EVL: variants seen among roughly 807,000 people sequenced by gnomAD.
The protein encoded by EVL is Enah/Vasp-like, also known as ena/VASP-like protein.
Under a neutral mutation model 59.6 loss-of-function variants are expected in EVL, and 21 were observed. The observed-to-expected ratio is 0.35, with a 90% CI of 0.25 to 0.51. The LOEUF (loss-of-function observed/expected upper bound fraction) is 0.51. Among genes scored for constraint, EVL ranks in the 20% least tolerant of loss-of-function variants. The probability of loss-of-function intolerance (pLI) is 0.97; values close to 1 mark genes in which losing one functional copy is unlikely to be tolerated. For missense variants in EVL, 462 were observed against 546.6 expected (o/e 0.85, Z 1.54); for synonymous variants, 198 against 203.5 (o/e 0.97, Z 0.23).
At chr14:100,136,641 G>A (rs1888809162) in intron 9 of EVL, among the ~76,000 whole-genome samples, 1 of 152,208 alleles carries the variant, frequency 6.6e-6, no homozygotes, top group South Asian at 2.1e-4. Flanking sequence ...GCTCTTGCCA[G>A]CTGTTCGCGT....
intron 1 of EVL, among the ~76,000 whole-genome samples, chr14:99,995,723 T>C (rs984230002): frequency 2.6e-5 from 4 of 152,204 alleles, no homozygotes; most frequent in Admixed American, 6.5e-5. Context: ...GTCCTTACAA[T>C]CTGGCTTTGT....
chr14:100,112,167 A>C (rs1205229720), intron 3 of EVL, among the ~76,000 whole-genome samples: 114 of 152,146 alleles, frequency 7.5e-4, no homozygotes, highest in Non-Finnish European at 7.3e-5. Context: ...GCCAGCTCAA[A>C]TATTTTGGTA....
chr14:100,097,344 T>C (rs185600670), intron 2 of EVL, 137 bp from the exon 3 acceptor site: 27 of 720,786 alleles, frequency 3.7e-5, no homozygotes, highest in East Asian at 1.1e-4. Flanking sequence ...CTACCTGATA[T>C]TGCTTTTCCC....
chr14:100,098,593 C>T (rs1885981657), intron 3 of EVL, among the ~76,000 whole-genome samples: 1 of 152,208 alleles, frequency 6.6e-6, no homozygotes, highest in South Asian at 2.1e-4. Context: ...AGCAGAATTA[C>T]ATGTGGCTTT....
upstream of EVL, among the ~76,000 whole-genome samples, chr14:100,061,536 A>G (rs2061834795): frequency 6.6e-6 from 1 of 151,578 alleles, no homozygotes; most frequent in Non-Finnish European, 1.5e-5. Context: ...GAAAAGAGAA[A>G]TATATGAGTA....
chr14:99,990,373 C>G (rs1239937807), intron 1 of EVL, among the ~76,000 whole-genome samples: 1 of 152,156 alleles, frequency 6.6e-6, no homozygotes, highest in Admixed American at 6.5e-5. Context: ...AACCCACTGT[C>G]TTAACCATTT....
chr14:100,021,232 A>C lies in EVL; in HGVS notation c.5+49175A>C, dbSNP rs182160116. Among the ~76,000 whole-genome samples the C allele has an allele frequency of 2.0e-5, 3 of 152,302 alleles. No individual in the cohort carries two copies. In the East Asian group the frequency reaches 5.8e-4, roughly 29 times the overall value. ...GGTTAGGGAAGAGGGTTATGTATGA[A>C]CACATCCACTCGCATTGTGGTGGGC... On this transcript the variant is annotated intron_variant, in intron 1 of 13. Transcript: ENST00000402714.
chr14:100,128,934 G>A (rs1211065047), intron 6 of EVL, among the ~76,000 whole-genome samples, 186 bp downstream of exon 6: 3 of 152,212 alleles, frequency 2.0e-5, no homozygotes, highest in Non-Finnish European at 4.4e-5. Flanking sequence ...AAATTATGAA[G>A]TTAGCCTTTG....
chr14:100,125,129 C>CACAT lies in EVL; in HGVS notation c.422+1530_422+1531insTACA, dbSNP rs1364943411. Among the ~76,000 whole-genome samples the CACAT allele has an allele frequency of 4.4e-4, 58 of 130,780 alleles. 1 individual carries two copies. The highest frequency in any genetic ancestry group is 1.4e-3 in the African/African-American group (45 of 32,078). 85.8% of individuals were successfully genotyped at this position (130,780 alleles called of 152,430 possible). On this transcript the variant is annotated intron_variant, in intron 4 of 13. Transcript: ENST00000392920. Reference sequence around the variant, plus strand: ...ACCTGCCCCAAGGCGGGACCACACACACACACACACACACACACACACCTG... The same window carrying CACAT: ...ACCTGCCCCAAGGCGGGACCACACACACATACACACACACACACACACACACCTG...
chr14:100,034,050 A>ACC (rs2061352121), intron 1 of EVL, among the ~76,000 whole-genome samples: 1 of 151,472 alleles, frequency 6.6e-6, no homozygotes, highest in Non-Finnish European at 1.5e-5. Context: ...ACATGGCAAA[A>ACC]CCCCGTCTCT....
At chr14:99,983,710 G>C (rs2060822967) in intron 1 of EVL, among the ~76,000 whole-genome samples, 1 of 152,118 alleles carries the variant, frequency 6.6e-6, no homozygotes, top group South Asian at 2.1e-4. Flanking sequence ...AAGATCTGTT[G>C]CTAAATCATG....
chr14:100,067,268 A>G (rs10136418), intron 1 of EVL, among the ~76,000 whole-genome samples: 1,816 of 152,292 alleles, frequency 0.012, 34 homozygotes, highest in African/African-American at 0.04. Context: ...ACACATGGGG[A>G]TACCGTGGCG....
chr14:100,069,679 A>G (rs1268389214), intron 1 of EVL, among the ~76,000 whole-genome samples: 4 of 152,154 alleles, frequency 2.6e-5, no homozygotes, highest in Non-Finnish European at 5.9e-5. Context: ...TAGTTGAGAA[A>G]CATTCCTCTG....
intron 12 of EVL, among the ~76,000 whole-genome samples, chr14:100,141,513 T>TA (rs1308341257): frequency 6.6e-6 from 1 of 152,170 alleles, no homozygotes; most frequent in African/African-American, 2.4e-5. Flanking sequence ...AGGAAGCCCT[T>TA]AGTTTCAGTG....
At chr14:100,136,188 A>T (rs1888774993) in intron 9 of EVL, among the ~76,000 whole-genome samples, 1 of 152,256 alleles carries the variant, frequency 6.6e-6, no homozygotes, top group African/African-American at 2.4e-5. Context: ...ATGGGTCCCC[A>T]GGGTGACCTG....
intron 1 of EVL, among the ~76,000 whole-genome samples, chr14:100,077,225 G>C (rs1233321016): frequency 6.6e-6 from 1 of 152,122 alleles, no homozygotes; most frequent in Admixed American, 6.5e-5. Context: ...AAATAACAAG[G>C]GCTGGGACTG....
At chr14:99,973,953 G>A (rs1442810136) in intron 1 of EVL, among the ~76,000 whole-genome samples, 2 of 151,974 alleles carry the variant, frequency 1.3e-5, no homozygotes, top group African/African-American at 4.8e-5. Flanking sequence ...TACCACCTTT[G>A]TCATCTTCCA....
chr14:100,084,914 A>G, intron 2 of EVL, 59 bp downstream of exon 2: 1 of 1,564,926 alleles, frequency 6.4e-7, no homozygotes, highest in Non-Finnish European at 8.7e-7. Flanking sequence ...CTCACCGCCC[A>G]CCCCTTACAC....
chr14:100,119,975 T>A (rs1887592820), intron 3 of EVL, among the ~76,000 whole-genome samples: 1 of 152,194 alleles, frequency 6.6e-6, no homozygotes, highest in African/African-American at 2.4e-5. Context: ...AAGGTGACTC[T>A]GCGCTCTGCC....
Sources: gnomAD v4.1 joint callset for allele counts (sites outside exome capture counted in the v4.1 genomes callset) on GRCh38, gnomAD v4.1.1 for gene constraint, MANE v1.5 for transcripts, NCBI Gene and HGNC (gene_info 2026-07-23, HGNC 2026-07-21) for gene names.